The following MYH13 variants were observed in gnomAD, a reference collection of about 807,000 sequenced individuals.
MYH13 encodes the protein myosin heavy chain 13.
MYH13 carries 177 observed loss-of-function variants against 232.1 expected under a neutral mutation model. The observed-to-expected ratio is 0.76, with a 90% CI of 0.67 to 0.86. The LOEUF is 0.86. Ranked by LOEUF, MYH13 falls within the 40% of genes least tolerant of loss-of-function variation. MYH13 has a pLI of 0.00. For missense variants in MYH13, 2,246 were observed against 2,405.9 expected (o/e 0.93, Z 1.39); for synonymous variants, 884 against 923.5 (o/e 0.96, Z 0.78).
At position 10,309,678 on chromosome 17, in the gene MYH13, G is replaced by A. The variant is rs770546889; in HGVS notation, c.4809C>T (p.Ser1603=). 26 of 1,609,462 alleles carry A rather than the reference G, an allele frequency of 1.6e-5. No individual in the cohort carries two copies. Among genetic ancestry groups the A allele is most frequent in the Middle Eastern group, 1.6e-4 (1 of 6,078 alleles). ...GGCTGCGGATTTCAGCATCCAGCAC[G>A]CTCTGCAGGGCCTCTGCTGCCCGCT... ...NSQRAAEALQ[S]VLDAEIRSRN... The change falls in exon 34 of 41, where the codon AGC becomes AGT. Residue 1603 remains serine (S), a synonymous_variant. Coordinates refer to ENST00000252172, the MANE Select transcript of MYH13 (RefSeq NM_003802.3).
At chr17:10,337,602 G>A (rs1156377358) in intron 18 of MYH13, among the ~76,000 whole-genome samples, 1 of 152,192 alleles carries the variant, frequency 6.6e-6, no homozygotes, top group Admixed American at 6.5e-5. Flanking sequence ...AGAAAATAAA[G>A]AGGGCACACT....
rs761244522 is a variant in MYH13, at chr17:10,351,220, C to CAAAAAAAAAAAAAAAAA, written c.1006-527_1006-526insTTTTTTTTTTTTTTTTT. Among the ~76,000 whole-genome samples the CAAAAAAAAAAAAAAAAA allele has an allele frequency of 9.6e-4, 70 of 72,672 alleles. 2 individuals are homozygous for CAAAAAAAAAAAAAAAAA. The highest frequency in any genetic ancestry group is 1.8e-3 in the Admixed American group (10 of 5,660). 47.7% of individuals were successfully genotyped at this position (72,672 alleles called of 152,430 possible). A position where few individuals can be genotyped will look rare whatever the true frequency, so the allele number is the denominator to read the frequency against. On this transcript the variant is annotated intron_variant, in intron 11 of 40. Transcript: ENST00000252172. ...TGGGAGACAGAGTGAGACTCCATCT[C>CAAAAAAAAAAAAAAAAA]AAAAAAAAAAAAAAAGAGAACTGAT...
chr17:10,318,099 A>G (rs747435152), intron 27 of MYH13, among the ~76,000 whole-genome samples: 31 of 152,174 alleles, frequency 2.0e-4, no homozygotes, highest in Non-Finnish European at 2.9e-4. Flanking sequence ...AAAATTAGCC[A>G]GGCCTGGTGG....
chr17:10,314,054 G>A (rs753477444), intron 29 of MYH13, among the ~76,000 whole-genome samples: 14 of 152,160 alleles, frequency 9.2e-5, no homozygotes, highest in South Asian at 2.1e-4. Flanking sequence ...GCCACAAGAC[G>A]CCCTCTGGTG....
intron 23 of MYH13, among the ~76,000 whole-genome samples, chr17:10,322,188 C>T (rs966609621): frequency 6.6e-5 from 10 of 151,842 alleles, no homozygotes; most frequent in South Asian, 4.2e-4. Context: ...GTCAGGAGAT[C>T]GAGACCATCC....
chr17:10,325,684 T>C (rs1484861340), intron 22 of MYH13, among the ~76,000 whole-genome samples: 2 of 152,232 alleles, frequency 1.3e-5, no homozygotes, highest in Non-Finnish European at 2.9e-5. Context: ...TTTATATATT[T>C]GTTTATTTAT....
At chr17:10,316,795 C>A (rs759936254) in intron 27 of MYH13, among the ~76,000 whole-genome samples, 10 of 152,008 alleles carry the variant, frequency 6.6e-5, no homozygotes, top group Non-Finnish European at 1.2e-4. Flanking sequence ...TTGTTCAAAA[C>A]CCTTGTGTGT....
chr17:10,364,778 G>A (rs563311084), intron 2 of MYH13, among the ~76,000 whole-genome samples: 1 of 151,764 alleles, frequency 6.6e-6, no homozygotes, highest in Admixed American at 6.6e-5. Flanking sequence ...TCCTCTGAGT[G>A]TCGATTTTGG....
chr17:10,301,764 C>G, intron 39 of MYH13, 61 bp from the exon 40 acceptor site: 1 of 1,585,006 alleles, frequency 6.3e-7, no homozygotes, highest in East Asian at 2.2e-5. Context: ...TATGAGGTGC[C>G]CTGTCTCTGA....
At chr17:10,349,820 CTTG>C (rs1352818976) in intron 12 of MYH13, among the ~76,000 whole-genome samples, 1 of 152,132 alleles carries the variant, frequency 6.6e-6, no homozygotes, top group Non-Finnish European at 1.5e-5. Flanking sequence ...CTTTTTATTA[CTTG>C]AGAGTTTAAA....
intron 23 of MYH13, 117 bp from the exon 24 acceptor site, chr17:10,321,825 CT>C (rs200873482): frequency 1.2e-5 from 10 of 841,850 alleles, no homozygotes; most frequent in Non-Finnish European, 1.6e-5. Context: ...TTGGCTACTA[CT>C]TTTTTACCTC....
chr17:10,314,093 C>T (rs1428062362), intron 29 of MYH13, among the ~76,000 whole-genome samples: 4 of 152,160 alleles, frequency 2.6e-5, no homozygotes, highest in Non-Finnish European at 5.9e-5. Flanking sequence ...TTCTGTCAGC[C>T]CACTTCAGTA....
Position 10,340,347 on chromosome 17 carries a change from G to C in MYH13, c.1949C>G (p.Thr650Ser). Residue 650 changes from threonine (T) to serine (S), a missense_variant, in exon 17 of 41, where the codon ACC becomes AGC. Transcript: ENST00000252172. ...GGKKKGSSFQ[T>S]VSAVFRENLN... is the part of the protein sequence containing the mutation. ...ACCAACCCTGAACACGGCCGACACG[G>C]TCTGGAAAGAGGAGCCCTTCTTCTT... The C allele has an allele frequency of 6.2e-7, 1 of 1,613,962 alleles. No individual in the cohort carries two copies. Among genetic ancestry groups the C allele is most frequent in the Non-Finnish European group, 8.5e-7 (1 of 1,179,868 alleles).
chr17:10,312,428 A>C (rs548070099), intron 31 of MYH13, 146 bp downstream of exon 31: 2 of 973,026 alleles, frequency 2.1e-6, no homozygotes, highest in African/African-American at 3.3e-5. Context: ...TATCTCACAC[A>C]TCTAAGCGTG....
rs1349339103 is a variant in MYH13, at chr17:10,324,224, C to T, written c.2732G>A (p.Gly911Glu). The T allele has an allele frequency of 1.2e-6, 2 of 1,613,800 alleles. No homozygotes were observed. The highest frequency in any genetic ancestry group is 2.7e-5 in the African/African-American group (2 of 74,910). Residue 911 changes from glycine to glutamate, a missense_variant, in exon 23 of 41, where the codon GGA (glycine) becomes GAA (glutamate). Coordinates refer to ENST00000252172, the MANE Select transcript of MYH13 (RefSeq NM_003802.3). ...CAGTAGGATCTTGCTTTTGATGAGT[C>T]CTTCACACCGTTCCTCAGCGTCCAT... ...NLMDAEERCE[G>E]LIKSKILLEA...
intron 40 of MYH13, among the ~76,000 whole-genome samples, chr17:10,301,290 C>G (rs1340715523): frequency 6.6e-5 from 10 of 152,142 alleles, no homozygotes; most frequent in Admixed American, 6.5e-4. Context: ...GAGTGTGCAA[C>G]CAGCAGCAGG....
In MYH13 at chr17:10,315,782, CCTT is replaced by C. The variant is rs745826312; in HGVS notation, c.3892_3894del (p.Lys1298del). 21 of 1,613,858 alleles carry C rather than the reference CCTT, an allele frequency of 1.3e-5. No individual in the cohort carries two copies. The highest frequency in any genetic ancestry group is 8.8e-5 in the South Asian group (8 of 91,080). ...TTGGTCAGCTGTGAAATCAGAGACT[CCTT>C]CTCTTCCACTCGGTGGCTCAGCTCC... On this transcript the variant is annotated inframe_deletion, in exon 29 of 41. Transcript: ENST00000252172.
At chr17:10,343,654 A>G in intron 16 of MYH13, 146 bp downstream of exon 16, 1 of 952,742 alleles carries the variant, frequency 1.0e-6, no homozygotes, top group Non-Finnish European at 1.5e-6. Context: ...GAAGAATAAG[A>G]GCAGGAGGAA....
At chr17:10,349,060 T>C (rs1483348524) in intron 12 of MYH13, among the ~76,000 whole-genome samples, 1 of 147,780 alleles carries the variant, frequency 6.8e-6, no homozygotes, top group Non-Finnish European at 1.5e-5. Flanking sequence ...CTTCCCTTCC[T>C]TTCCCTTCCC....
Sources: allele counts gnomAD v4.1 joint callset (sites outside exome capture counted in the v4.1 genomes callset), GRCh38; gene constraint gnomAD v4.1.1; transcripts MANE v1.5; gene names NCBI Gene and HGNC (gene_info 2026-07-23, HGNC 2026-07-21).